Variants in TFEC observed in about 807,000 individuals in gnomAD.
TFEC encodes transcription factor EC, also known as class E basic helix-loop-helix protein 34.
A neutral mutation model predicts 41.6 loss-of-function variants in TFEC; 31 were observed. The observed-to-expected ratio is 0.74, with a 90% CI of 0.56 to 1.01. The LOEUF (loss-of-function observed/expected upper bound fraction) is 1.01. Among genes scored for constraint, TFEC ranks in the 50% least tolerant of loss-of-function variants. The probability of loss-of-function intolerance (pLI) is 0.00; values close to 1 mark genes in which losing one functional copy is unlikely to be tolerated. For missense variants in TFEC, 402 were observed against 404.1 expected (o/e 0.99, Z 0.04); for synonymous variants, 143 against 140.6 (o/e 1.02, Z -0.12).
At chr7:116,135,631 A>C (rs533443836) in intron 1 of TFEC, among the ~76,000 whole-genome samples, 1 of 152,260 alleles carries the variant, frequency 6.6e-6, no homozygotes, top group East Asian at 1.9e-4. Flanking sequence ...ACAGCTCAGC[A>C]TGCACTTCTA....
intron 3 of TFEC, among the ~76,000 whole-genome samples, chr7:116,048,536 A>C (rs10953800): frequency 0.38 from 57,976 of 152,072 alleles, 11,125 homozygotes; most frequent in East Asian, 0.42. Context: ...GGGAGAATGG[A>C]ACCAAGTTGG....
At chr7:116,043,414 A>G (rs1394444922) in intron 3 of TFEC, among the ~76,000 whole-genome samples, 1 of 152,180 alleles carries the variant, frequency 6.6e-6, no homozygotes, top group African/African-American at 2.4e-5. Context: ...AGGTCATACA[A>G]ATGGGAATAA....
upstream of TFEC, among the ~76,000 whole-genome samples, chr7:116,031,078 A>T (rs1002499405): frequency 6.6e-6 from 1 of 152,106 alleles, no homozygotes; most frequent in South Asian, 2.1e-4. Flanking sequence ...CTGAGATCCT[A>T]CATTTATTGC....
chr7:115,998,610 A>G (rs141422067), intron 1 of TFEC, among the ~76,000 whole-genome samples: 1 of 152,188 alleles, frequency 6.6e-6, no homozygotes, highest in East Asian at 1.9e-4. Flanking sequence ...AAAGATACAC[A>G]TAGAATGAAA....
intron 2 of TFEC, among the ~76,000 whole-genome samples, chr7:115,982,774 C>T (rs968532478): frequency 1.3e-5 from 2 of 152,058 alleles, no homozygotes; most frequent in African/African-American, 2.4e-5. Context: ...CCAAAGACCA[C>T]TAAAAACATG....
chr7:116,059,985 TAAAGA>T (rs1796515434), intron 3 of TFEC, among the ~76,000 whole-genome samples: 1 of 152,124 alleles, frequency 6.6e-6, no homozygotes, highest in African/African-American at 2.4e-5. Context: ...AAAATGACAT[TAAAGA>T]AAAGACATCT....
At chr7:116,057,665 T>C (rs1200591996) in intron 3 of TFEC, among the ~76,000 whole-genome samples, 1 of 151,908 alleles carries the variant, frequency 6.6e-6, no homozygotes, top group Non-Finnish European at 1.5e-5. Flanking sequence ...TTTTTGATAA[T>C]TGACTATCTA....
rs1411214996 is a variant in TFEC at position 115,939,788 on chromosome 7, G to C, written c.*763C>G. The C allele has an allele frequency of 6.6e-6, 1 of 152,050 alleles. No individual in the cohort carries two copies. Among genetic ancestry groups the C allele is most frequent in the Non-Finnish European group, 1.5e-5 (1 of 67,998 alleles). The allele number at this position is 152,050 out of a possible 1,614,324, so 9.4% of individuals were successfully genotyped here. ...TGTGCATATGTGTATGTGTATGTTT[G>C]TGTGAAGGGATACAATTCTGGTCCA... On this transcript the variant is annotated 3_prime_UTR_variant, in exon 8 of 8. Transcript: ENST00000265440.
chr7:115,974,406 TTATATATA>T (rs572119521), intron 2 of TFEC, 150 bp from the exon 3 acceptor site: 950 of 64,946 alleles, frequency 0.015, 31 homozygotes, highest in African/African-American at 0.048. Flanking sequence ...AACCTCAATA[TTATATATA>T]TATATATATA....
intron 3 of TFEC, among the ~76,000 whole-genome samples, chr7:116,048,521 T>G (rs1422691615): frequency 6.6e-6 from 1 of 152,138 alleles, no homozygotes; most frequent in African/African-American, 2.4e-5. Context: ...TACCTGAAAG[T>G]GACAGGGAGA....
rs182851833 is a variant in TFEC at position 116,096,165 on chromosome 7, G to A, written c.198+14543C>T. On this transcript the variant is annotated intron_variant, in intron 3 of 8. Transcript: ENST00000484212. The stretch of plus-strand genomic sequence containing the variant: ...TGACTAAGATTTCTACTGTCTTATG[G>A]GCTCAGCCAACATCAACACTCCCCG... Among the ~76,000 whole-genome samples, 90 of 151,900 alleles carry A rather than the reference G, an allele frequency of 5.9e-4. 1 individual carries two copies. The highest frequency in any genetic ancestry group is 2.1e-3 in the African/African-American group (85 of 41,402).
chr7:116,109,282 A>G (rs1797793910), intron 3 of TFEC, among the ~76,000 whole-genome samples: 1 of 152,220 alleles, frequency 6.6e-6, no homozygotes, highest in African/African-American at 2.4e-5. Flanking sequence ...CAGAGTAAAC[A>G]GGCAACCTAC....
intron 7 of TFEC, chr7:115,941,543 G>C (rs916304498): frequency 3.8e-5 from 10 of 261,952 alleles, no homozygotes; most frequent in African/African-American, 2.2e-4. Context: ...TATTTGATTA[G>C]GATAATAATG....
chr7:115,975,984 C>A (rs1333101034), intron 2 of TFEC, among the ~76,000 whole-genome samples: 3 of 152,080 alleles, frequency 2.0e-5, no homozygotes, highest in African/African-American at 7.2e-5. Context: ...GAAATTTCTG[C>A]AATGATGGGA....
intron 1 of TFEC, among the ~76,000 whole-genome samples, chr7:116,112,766 G>A (rs1479711864): frequency 6.6e-6 from 1 of 151,860 alleles, no homozygotes; most frequent in African/African-American, 2.4e-5. Context: ...GCCCAATAGA[G>A]GAATGTAGGT....
intron 1 of TFEC, among the ~76,000 whole-genome samples, chr7:116,120,955 A>T (rs1032261960): frequency 6.6e-6 from 1 of 152,024 alleles, no homozygotes; most frequent in African/African-American, 2.4e-5. Flanking sequence ...AACTTTCAGA[A>T]GGATAACCAG....
At chr7:116,123,610 C>T (rs1266949927) in intron 1 of TFEC, among the ~76,000 whole-genome samples, 1 of 152,086 alleles carries the variant, frequency 6.6e-6, no homozygotes, top group Non-Finnish European at 1.5e-5. Context: ...TCCACTTTTG[C>T]AAACATAATG....
intron 3 of TFEC, among the ~76,000 whole-genome samples, chr7:116,065,733 T>C (rs2131005258): frequency 6.6e-6 from 1 of 152,228 alleles, no homozygotes; most frequent in African/African-American, 2.4e-5. Context: ...ATCACTTTGA[T>C]CAAAATGGGA....
Position 115,937,092 on chromosome 7 carries a change from T to C in TFEC, c.*3459A>G, listed in dbSNP as rs1376646647. On this transcript the variant is annotated 3_prime_UTR_variant, in exon 8 of 8. Coordinates refer to ENST00000265440, the MANE Select transcript of TFEC (RefSeq NM_012252.4). ...TTGGAAGTTGGAAAGGGCTGTTTAA[T>C]GTGAATCCAAGAAAAAGCAGCCAAT... The C allele has an allele frequency of 6.6e-6, 1 of 151,582 alleles. No individual in the cohort carries two copies. Among genetic ancestry groups the C allele is most frequent in the Non-Finnish European group, 1.5e-5 (1 of 67,686 alleles). 9.4% of individuals were successfully genotyped at this position (151,582 alleles called of 1,614,324 possible).
Sources: gnomAD v4.1 joint callset for allele counts (sites outside exome capture counted in the v4.1 genomes callset) on GRCh38, gnomAD v4.1.1 for gene constraint, MANE v1.5 for transcripts, NCBI Gene and HGNC (gene_info 2026-07-23, HGNC 2026-07-21) for gene names.